The following TBC1D32 variants were observed in gnomAD, a reference collection of about 807,000 sequenced individuals.
TBC1D32 encodes the protein TBC1 domain family member 32.
TBC1D32 carries 151 observed loss-of-function variants against 170.3 expected under a neutral mutation model. That is an observed-to-expected ratio of 0.89 (90% CI 0.78 to 1.01). The LOEUF (loss-of-function observed/expected upper bound fraction) is 1.01. Among genes scored for constraint, TBC1D32 ranks in the 50% least tolerant of loss-of-function variants. TBC1D32 has a pLI of 0.00. For missense variants in TBC1D32, 1,464 were observed against 1,457.1 expected (o/e 1.00, Z -0.08); for synonymous variants, 498 against 488.0 (o/e 1.02, Z -0.27).
At chr6:121,162,503 T>C (rs1785853464) in intron 22 of TBC1D32, among the ~76,000 whole-genome samples, 2 of 152,108 alleles carry the variant, frequency 1.3e-5, no homozygotes, top group Non-Finnish European at 2.9e-5. Context: ...AAGACAAGGA[T>C]AGCTTCTCTC....
At chr6:121,333,515 G>C (rs1214738108) in intron 1 of TBC1D32, among the ~76,000 whole-genome samples, 2 of 152,152 alleles carry the variant, frequency 1.3e-5, no homozygotes, top group Non-Finnish European at 2.9e-5. Context: ...GGAAACTAAT[G>C]ATCTCACTTC....
intron 15 of TBC1D32, among the ~76,000 whole-genome samples, chr6:121,267,713 A>C (rs920850619): frequency 6.6e-6 from 1 of 152,172 alleles, no homozygotes; most frequent in African/African-American, 2.4e-5. Context: ...AAAAGGCAGC[A>C]GAAACTTCTG....
intron 21 of TBC1D32, among the ~76,000 whole-genome samples, chr6:121,207,391 A>G (rs990331187): frequency 7.2e-5 from 11 of 152,176 alleles, no homozygotes; most frequent in African/African-American, 2.4e-4. Flanking sequence ...AGTACTAGGT[A>G]CTGTTATAAT....
At chr6:121,083,128 A>T (rs1775811561) in intron 31 of TBC1D32, among the ~76,000 whole-genome samples, 1 of 152,042 alleles carries the variant, frequency 6.6e-6, no homozygotes, top group Non-Finnish European at 1.5e-5. Flanking sequence ...GTTGTAACAG[A>T]CTAATTCCTC....
intron 21 of TBC1D32, among the ~76,000 whole-genome samples, chr6:121,207,510 AAAG>A (rs1391945120): frequency 6.6e-6 from 1 of 152,172 alleles, no homozygotes; most frequent in Non-Finnish European, 1.5e-5. Context: ...TAATTTTTTC[AAAG>A]AAGAAGATTA....
At chr6:121,223,172 T>G in intron 21 of TBC1D32, 64 bp downstream of exon 21, 1 of 1,094,222 alleles carries the variant, frequency 9.1e-7, no homozygotes, top group Non-Finnish European at 1.3e-6. Flanking sequence ...TCAAATTACC[T>G]TTTTACTACC....
In TBC1D32 at chr6:121,241,509, C is replaced by A. The variant is rs750440790; in HGVS notation, c.2201G>T (p.Arg734Leu). ...KKFGYGVLVT[R>L]VASTAAGGIA... ...GCCACCTGCTGCTGTTGATGCCACT[C>A]GTGTAACCAAAACTCCATAGCCAAA... Residue 734 changes from arginine (R) to leucine (L), a missense_variant, in exon 19 of 32, where the codon CGA (arginine) becomes CTA (leucine). By Grantham distance (102) the Arg-to-Leu change is moderately radical. This residue lies in a region of TBC1D32 where 1,363 missense variants were observed against 1,338.1 expected (regional missense o/e 1.02). Coordinates refer to ENST00000398212, the MANE Select transcript of TBC1D32 (RefSeq NM_152730.6). 4 of 1,613,352 alleles carry A rather than the reference C, an allele frequency of 2.5e-6. No homozygotes were observed. In the African/African-American group the frequency reaches 5.3e-5, roughly 22 times the overall value.
At chr6:121,199,588 A>G (rs1422890808) in intron 22 of TBC1D32, among the ~76,000 whole-genome samples, 1 of 151,422 alleles carries the variant, frequency 6.6e-6, no homozygotes, top group East Asian at 1.9e-4. Context: ...CGATCATTTT[A>G]TTATTTTTAT....
chr6:121,271,983 C>A (rs1317654296), intron 15 of TBC1D32, among the ~76,000 whole-genome samples: 1 of 152,072 alleles, frequency 6.6e-6, no homozygotes, highest in Non-Finnish European at 1.5e-5. Context: ...CTTTGAGAAA[C>A]CTGACAAAAA....
chr6:121,102,724 C>A (rs1357766881), intron 30 of TBC1D32, among the ~76,000 whole-genome samples: 20 of 152,078 alleles, frequency 1.3e-4, no homozygotes, highest in Middle Eastern at 3.4e-3. Context: ...GCAACAAAAG[C>A]CAAAATTGAC....
At chr6:121,217,459 T>C (rs892924230) in intron 21 of TBC1D32, among the ~76,000 whole-genome samples, 34 of 152,244 alleles carry the variant, frequency 2.2e-4, no homozygotes, top group African/African-American at 8.0e-4. Context: ...ATATATACCA[T>C]AGAATACTAT....
In TBC1D32 at chr6:121,079,768, T is replaced by C. The variant is rs184750532; in HGVS notation, c.*1003A>G. On this transcript the variant is annotated 3_prime_UTR_variant, in exon 32 of 32. Transcript: ENST00000398212. ...TTTAAAATAATTTAGAAATGTATTC[T>C]CCTTTATATTTTCAAGTTCAGTACA... The C allele has an allele frequency of 1.1e-4, 16 of 152,254 alleles. No homozygotes were observed. The highest frequency in any genetic ancestry group is 7.9e-4 in the Admixed American group (12 of 15,286). The allele number at this position is 152,254 out of a possible 1,614,324, so 9.4% of individuals were successfully genotyped here.
chr6:121,159,955 CA>C (rs1785405155), intron 24 of TBC1D32, 54 bp downstream of exon 24: 1 of 1,280,566 alleles, frequency 7.8e-7, no homozygotes. Context: ...TTCTTTTTTT[CA>C]AATTATAACA....
intron 20 of TBC1D32, among the ~76,000 whole-genome samples, chr6:121,227,896 T>C (rs1795266493): frequency 6.6e-6 from 1 of 152,182 alleles, no homozygotes; most frequent in Non-Finnish European, 1.5e-5. Flanking sequence ...AAATGTTTCA[T>C]AGAATCCACT....
At position 121,303,711 on chromosome 6, in the gene TBC1D32, T is replaced by C. The variant is rs1470389619; in HGVS notation, c.986A>G (p.His329Arg). ...TTGTGAGACAACATGGCTTTGATTA[T>C]GTTTAACTGTTAACAAGGACAAAGT... The part of the protein sequence containing the change: ...ESTLSLLTVK[H>R]NQSHVVSQKI... Residue 329 changes from histidine to arginine, a missense_variant, in exon 9 of 32, where the codon CAT becomes CGT. Physicochemically the swap from His to Arg is conservative, Grantham distance 29. Around this residue, in one of 3 missense-constraint regions of TBC1D32, gnomAD observed 1,363 missense variants for 1,338.1 expected, o/e 1.02. Coordinates refer to ENST00000398212, the MANE Select transcript of TBC1D32 (RefSeq NM_152730.6). The C allele has an allele frequency of 6.3e-7, 1 of 1,593,204 alleles. No homozygotes were observed. The highest frequency in any genetic ancestry group is 8.6e-7 in the Non-Finnish European group (1 of 1,166,424).
At chr6:121,194,984 G>A (rs1165260519) in intron 22 of TBC1D32, among the ~76,000 whole-genome samples, 1 of 152,216 alleles carries the variant, frequency 6.6e-6, no homozygotes, top group Non-Finnish European at 1.5e-5. Context: ...GTCCAGTGGT[G>A]TGGGGCCTGT....
At chr6:121,308,159 T>C (rs1278048753) in intron 4 of TBC1D32, 58 bp from the exon 5 acceptor site, 1 of 1,524,956 alleles carries the variant, frequency 6.6e-7, no homozygotes, top group Non-Finnish European at 9.0e-7. Context: ...ATGCCACTTT[T>C]CCAAAACAAT....
At chr6:121,140,679 AT>A (rs914803720) in intron 24 of TBC1D32, among the ~76,000 whole-genome samples, 3 of 152,108 alleles carry the variant, frequency 2.0e-5, no homozygotes, top group African/African-American at 7.2e-5. Context: ...AAGGCTGTAC[AT>A]TTTTTAGTTA....
intron 1 of TBC1D32, among the ~76,000 whole-genome samples, chr6:121,333,471 A>T (rs1811459869): frequency 6.6e-6 from 1 of 152,110 alleles, no homozygotes; most frequent in East Asian, 1.9e-4. Context: ...TATGTGGCTT[A>T]CTCCTCTAGA....
Sources: allele counts gnomAD v4.1 joint callset (sites outside exome capture counted in the v4.1 genomes callset), GRCh38; gene constraint gnomAD v4.1.1; regional missense constraint gnomAD v4.1.1; transcripts MANE v1.5; gene names NCBI Gene and HGNC (gene_info 2026-07-23, HGNC 2026-07-21).